The following PDE7B variants were observed in gnomAD, a reference collection of about 807,000 sequenced individuals.
The protein encoded by PDE7B is phosphodiesterase 7B.
Under a neutral mutation model 56.2 loss-of-function variants are expected in PDE7B, and 29 were observed. That is an observed-to-expected ratio of 0.52 (90% CI 0.38 to 0.70). PDE7B has a LOEUF of 0.70. PDE7B is among the 30% of genes least tolerant of loss of function. The pLI, the probability that PDE7B is intolerant of heterozygous loss-of-function variation, is 0.00. For missense variants in PDE7B, 490 were observed against 565.0 expected, an observed-to-expected ratio of 0.87 and a Z score of 1.35; for synonymous variants, 197 against 196.9, an observed-to-expected ratio of 1.00 and a Z score of 0.00.
rs547739618 is a variant in PDE7B, at chr6:135,977,237, C to T, written c.82+29713C>T. The stretch of plus-strand genomic sequence containing the variant: ...GCAGGGGCTTCTGAGAGGCTGAGGG[C>T]GCTAATGATGTCTACACGATCATAG... On this transcript the variant is annotated intron_variant, in intron 2 of 12. Coordinates refer to ENST00000308191, the MANE Select transcript of PDE7B (RefSeq NM_018945.4). Among the ~76,000 whole-genome samples, 13 of 152,106 alleles carry T rather than the reference C, an allele frequency of 8.5e-5. No individual in the cohort carries two copies. The South Asian group carries it at 1.0e-3, about 12-fold the overall frequency.
intron 1 of PDE7B, among the ~76,000 whole-genome samples, chr6:135,887,944 C>A (rs7767574): frequency 0.12 from 17,695 of 152,100 alleles, 2,405 homozygotes; most frequent in African/African-American, 0.33. Flanking sequence ...TTACTCCCTA[C>A]TACTCCCCAA....
chr6:136,027,341 C>T (rs1252900104), intron 2 of PDE7B, among the ~76,000 whole-genome samples: 1 of 152,180 alleles, frequency 6.6e-6, no homozygotes, highest in Non-Finnish European at 1.5e-5. Flanking sequence ...TTTTCTTAAG[C>T]TCCCAGTTTG....
chr6:136,007,602 A>T (rs891205670), intron 2 of PDE7B, among the ~76,000 whole-genome samples: 2 of 151,698 alleles, frequency 1.3e-5, no homozygotes, highest in African/African-American at 4.8e-5. Flanking sequence ...GGAAGATCAG[A>T]CTTTTAGCAC....
intron 2 of PDE7B, among the ~76,000 whole-genome samples, chr6:136,018,930 G>A (rs954705177): frequency 6.6e-6 from 1 of 151,976 alleles, no homozygotes; most frequent in Non-Finnish European, 1.5e-5. Flanking sequence ...CATCTCCCAT[G>A]TTCAGCAGTG....
chr6:136,155,813 G>A (rs761971593), intron 8 of PDE7B, 55 bp downstream of exon 8: 35 of 1,578,556 alleles, frequency 2.2e-5, no homozygotes, highest in Non-Finnish European at 3.0e-5. Context: ...CTTAGGCCCG[G>A]TGCTCAAGCC....
chr6:135,853,304 A>G (rs1039600330), intron 1 of PDE7B, among the ~76,000 whole-genome samples: 4 of 152,216 alleles, frequency 2.6e-5, no homozygotes, highest in African/African-American at 4.8e-5. Context: ...AATTAACTGC[A>G]TAAGACTGGA....
chr6:136,176,128 T>C (rs960238310), intron 9 of PDE7B, among the ~76,000 whole-genome samples: 4 of 152,088 alleles, frequency 2.6e-5, no homozygotes, highest in African/African-American at 9.6e-5. Context: ...TCTTCCTATT[T>C]TCCTATCAGT....
intron 2 of PDE7B, among the ~76,000 whole-genome samples, chr6:136,090,072 T>C (rs537946661): frequency 6.6e-6 from 1 of 152,322 alleles, no homozygotes; most frequent in African/African-American, 2.4e-5. Flanking sequence ...GTGGGTTTTT[T>C]TTCAGTAACT....
At chr6:136,091,715 C>A (rs906865580) in intron 2 of PDE7B, among the ~76,000 whole-genome samples, 1 of 152,184 alleles carries the variant, frequency 6.6e-6, no homozygotes, top group Non-Finnish European at 1.5e-5. Context: ...ATTTTGCAAC[C>A]AATGTGCTGT....
intron 2 of PDE7B, among the ~76,000 whole-genome samples, chr6:136,087,120 T>C (rs1293902981): frequency 6.6e-6 from 1 of 152,236 alleles, no homozygotes; most frequent in African/African-American, 2.4e-5. Flanking sequence ...GAGAAACATC[T>C]TTCTCTTTCA....
At chr6:136,160,765 TC>T (rs1039284881) in intron 8 of PDE7B, among the ~76,000 whole-genome samples, 2 of 152,126 alleles carry the variant, frequency 1.3e-5, no homozygotes, top group African/African-American at 4.8e-5. Flanking sequence ...TTCCCACCAT[TC>T]CCCTCCCAGG....
At chr6:136,167,072 C>T (rs1041639924) in intron 8 of PDE7B, among the ~76,000 whole-genome samples, 2 of 152,050 alleles carry the variant, frequency 1.3e-5, no homozygotes, top group African/African-American at 4.8e-5. Context: ...ATGCTCTTCC[C>T]CAGGCAGGAA....
chr6:135,913,032 T>C (rs1776238879), intron 1 of PDE7B, among the ~76,000 whole-genome samples: 2 of 152,212 alleles, frequency 1.3e-5, no homozygotes, highest in African/African-American at 4.8e-5. Flanking sequence ...CCATGTCTTC[T>C]GACTCTAAAT....
At chr6:136,016,461 G>T (rs147612724) in intron 2 of PDE7B, among the ~76,000 whole-genome samples, 1 of 152,242 alleles carries the variant, frequency 6.6e-6, no homozygotes, top group East Asian at 1.9e-4. Flanking sequence ...CCTAATAAGC[G>T]CTCGATAAAT....
At chr6:135,931,125 A>G (rs1452919977) in intron 1 of PDE7B, among the ~76,000 whole-genome samples, 4 of 152,220 alleles carry the variant, frequency 2.6e-5, no homozygotes, top group Non-Finnish European at 5.9e-5. Flanking sequence ...AAAACCACAT[A>G]CAGGTTCAAA....
At chr6:136,178,935 A>G in intron 9 of PDE7B, 62 bp from the exon 10 acceptor site, 1 of 1,555,434 alleles carries the variant, frequency 6.4e-7, no homozygotes, top group Non-Finnish European at 8.9e-7. Context: ...GATAAAATCA[A>G]TCACCCTCAT....
At chr6:136,111,317 G>T (rs1345209477) in intron 3 of PDE7B, among the ~76,000 whole-genome samples, 9 of 151,892 alleles carry the variant, frequency 5.9e-5, no homozygotes, top group African/African-American at 9.7e-5. Context: ...ATTATTAAAG[G>T]GTCTCCTCGA....
At position 136,149,568 on chromosome 6, in the gene PDE7B, C is replaced by T. The variant is rs574409756; in HGVS notation, c.382+418C>T. Among the ~76,000 whole-genome samples the T allele has an allele frequency of 4.5e-4, 68 of 152,196 alleles. 1 individual carries two copies. The South Asian group carries it at 0.013, about 29-fold the overall frequency. On this transcript the variant is annotated intron_variant, in intron 5 of 12. Transcript: ENST00000308191. ...TAAGTGAGCTAAATCTGCCCTGTTG[C>T]GGGTATTGCTCAAATGTGTTTGACA...
At chr6:136,078,497 C>T (rs184696347) in intron 2 of PDE7B, among the ~76,000 whole-genome samples, 1 of 151,532 alleles carries the variant, frequency 6.6e-6, no homozygotes, top group African/African-American at 2.4e-5. Context: ...TTAAAGTAGA[C>T]TTCAATATCT....
Sources: allele counts gnomAD v4.1 joint callset (sites outside exome capture counted in the v4.1 genomes callset), GRCh38; gene constraint gnomAD v4.1.1; transcripts MANE v1.5; gene names NCBI Gene and HGNC (gene_info 2026-07-23, HGNC 2026-07-21).